The following MTUS2 variants were observed in gnomAD, a reference collection of about 807,000 sequenced individuals.
The protein encoded by MTUS2 is microtubule associated scaffold protein 2.
In MTUS2, 40 loss-of-function variants were observed where a neutral mutation model predicts 114.1. That is an observed-to-expected ratio of 0.35 (90% CI 0.27 to 0.46). The LOEUF is 0.46. Among genes scored for constraint, MTUS2 ranks in the 20% least tolerant of loss-of-function variants. The pLI is 1.00. For synonymous variants in MTUS2, 688 were observed against 672.0 expected, an observed-to-expected ratio of 1.02 and a Z score of -0.37; for missense variants, 1,679 against 1,705.4, an observed-to-expected ratio of 0.98 and a Z score of 0.27.
rs373052463 is a variant in MTUS2 at position 29,007,960 on chromosome 13, A to G, written c.-242-16497A>G. On this transcript the variant is annotated intron_variant, in intron 2 of 15. Coordinates refer to ENST00000612955, the MANE Select transcript of MTUS2 (RefSeq NM_001033602.4). ...CACGTTGTTCAGGCGTCAACCATAT[A>G]TGATTATTATTTGTAATTTGTTGAT... Among the ~76,000 whole-genome samples the G allele has an allele frequency of 7.9e-5, 12 of 152,248 alleles. No individual in the cohort carries two copies. In the East Asian group the frequency reaches 2.1e-3, roughly 27 times the overall value.
chr13:28,880,208 A>G (rs1013463779), intron 2 of MTUS2, among the ~76,000 whole-genome samples: 3 of 152,206 alleles, frequency 2.0e-5, no homozygotes, highest in Non-Finnish European at 4.4e-5. Context: ...ACATGAAAAA[A>G]GCATTTACTG....
chr13:28,884,298 A>T (rs1401283855), intron 2 of MTUS2, among the ~76,000 whole-genome samples: 1 of 152,238 alleles, frequency 6.6e-6, no homozygotes, highest in African/African-American at 2.4e-5. Flanking sequence ...GAAATCAACC[A>T]GTCACAAATG....
chr13:29,296,170 G>A (rs1318328600), intron 6 of MTUS2, among the ~76,000 whole-genome samples: 1 of 151,756 alleles, frequency 6.6e-6, no homozygotes, highest in Non-Finnish European at 1.5e-5. Context: ...AGGATTGCTG[G>A]ATCATATGGT....
chr13:28,851,991 C>T (rs370747393), intron 2 of MTUS2, among the ~76,000 whole-genome samples: 6 of 152,162 alleles, frequency 3.9e-5, no homozygotes, highest in Admixed American at 6.5e-5. Flanking sequence ...TCCATCACAC[C>T]GGGACTTGAA....
intron 5 of MTUS2, among the ~76,000 whole-genome samples, chr13:29,189,510 T>C (rs1894360924): frequency 6.6e-6 from 1 of 151,686 alleles, no homozygotes; most frequent in South Asian, 2.1e-4. Flanking sequence ...ATAAAACTAA[T>C]GTTCTCTAGC....
chr13:28,946,526 A>G (rs17072399), intron 2 of MTUS2, among the ~76,000 whole-genome samples: 5,765 of 152,288 alleles, frequency 0.038, 132 homozygotes, highest in Admixed American at 0.045. Context: ...GCCCAATAAC[A>G]ACAACTATTA....
At chr13:29,410,782 CATAGTT>C (rs1386543247) in intron 8 of MTUS2, among the ~76,000 whole-genome samples, 1 of 151,422 alleles carries the variant, frequency 6.6e-6, no homozygotes, top group Non-Finnish European at 1.5e-5. Flanking sequence ...TTTTTTTAGT[CATAGTT>C]ATAAAGTCAT....
At chr13:29,413,597 C>A in intron 8 of MTUS2, among the ~76,000 whole-genome samples, 1 of 64,754 alleles carries the variant, frequency 1.5e-5, no homozygotes, top group Admixed American at 2.0e-4. Flanking sequence ...TGAACTCAAA[C>A]AAATTTACAA....
chr13:29,485,887 T>C (rs1881577615), intron 10 of MTUS2, among the ~76,000 whole-genome samples: 1 of 141,254 alleles, frequency 7.1e-6, no homozygotes, highest in South Asian at 2.5e-4. Flanking sequence ...GGTTTTTTGC[T>C]CTCCTGAACT....
At chr13:28,924,050 T>C (rs1881194618) in intron 2 of MTUS2, among the ~76,000 whole-genome samples, 1 of 152,100 alleles carries the variant, frequency 6.6e-6, no homozygotes, top group African/African-American at 2.4e-5. Context: ...GTGTGGCTCA[T>C]ATGTATTGTC....
intron 6 of MTUS2, among the ~76,000 whole-genome samples, chr13:29,313,016 T>C (rs1691636913): frequency 6.6e-6 from 1 of 152,200 alleles, no homozygotes; most frequent in Non-Finnish European, 1.5e-5. Flanking sequence ...AACCAACTCA[T>C]TTATTTACAA....
At chr13:29,487,660 C>A (rs989146973) in intron 10 of MTUS2, 2 of 546,644 alleles carry the variant, frequency 3.7e-6, no homozygotes, top group South Asian at 2.0e-5. Flanking sequence ...TAAAGAGGTA[C>A]CTCAGGCAGT....
chr13:29,390,756 GTGATGATGATGATGATGA>G (rs71090251), intron 8 of MTUS2, among the ~76,000 whole-genome samples: 13 of 146,694 alleles, frequency 8.9e-5, no homozygotes, highest in African/African-American at 2.8e-4. Flanking sequence ...CCACCAAATG[GTGATGATGATGATGATGA>G]TGATGATGAT....
chr13:28,956,237 C>T (rs1310487419), intron 2 of MTUS2, among the ~76,000 whole-genome samples: 3 of 152,100 alleles, frequency 2.0e-5, no homozygotes, highest in South Asian at 2.1e-4. Context: ...TTTCTTGATT[C>T]AGTCACAAGA....
intron 5 of MTUS2, among the ~76,000 whole-genome samples, chr13:29,229,065 G>T (rs1209426108): frequency 6.6e-6 from 1 of 151,980 alleles, no homozygotes; most frequent in Non-Finnish European, 1.5e-5. Flanking sequence ...AACACTGAGG[G>T]GCTTCTTCAC....
At chr13:28,977,229 G>T (rs1415071191) in intron 2 of MTUS2, among the ~76,000 whole-genome samples, 1 of 152,074 alleles carries the variant, frequency 6.6e-6, no homozygotes, top group Non-Finnish European at 1.5e-5. Flanking sequence ...TTGATGAATC[G>T]CATCCTGGTG....
chr13:29,392,650 G>A (rs1873600902), intron 8 of MTUS2, among the ~76,000 whole-genome samples: 2 of 152,174 alleles, frequency 1.3e-5, no homozygotes, highest in South Asian at 2.1e-4. Context: ...TCCTAGCTCA[G>A]CAACTGGTAC....
At position 28,907,849 on chromosome 13, in the gene MTUS2, CAG is replaced by C. The variant is rs564056549; in HGVS notation, c.-243+68001_-243+68002del. On this transcript the variant is annotated intron_variant, in intron 2 of 15. Coordinates refer to ENST00000612955, the MANE Select transcript of MTUS2 (RefSeq NM_001033602.4). ...GTCAACATTAGACAGATAATCGAGA[CAG>C]AAAGTTGACAGTTCTTTTCTTTCAG... Among the ~76,000 whole-genome samples the C allele has an allele frequency of 9.3e-3, 1,417 of 151,666 alleles. 31 individuals carry two copies. Among genetic ancestry groups the C allele is most frequent in the Middle Eastern group, 0.021 (6 of 290 alleles).
intron 1 of MTUS2, among the ~76,000 whole-genome samples, chr13:28,838,733 G>T (rs549726582): frequency 9.8e-5 from 15 of 152,292 alleles, no homozygotes; most frequent in Non-Finnish European, 2.1e-4. Context: ...TCTTGGAAAA[G>T]AGTCTTATGT....
Sources: allele counts gnomAD v4.1 joint callset (sites outside exome capture counted in the v4.1 genomes callset), GRCh38; gene constraint gnomAD v4.1.1; transcripts MANE v1.5; gene names NCBI Gene and HGNC (gene_info 2026-07-23, HGNC 2026-07-21).